GULP1: variants seen among roughly 807,000 people sequenced by gnomAD.
The protein encoded by GULP1 is PTB domain-containing engulfment adapter protein 1.
A neutral mutation model predicts 40.9 loss-of-function variants in GULP1; 19 were observed. The ratio of observed to expected loss-of-function variants is 0.46; its 90% CI spans 0.32 to 0.68. The LOEUF (loss-of-function observed/expected upper bound fraction) is 0.68. Among genes scored for constraint, GULP1 ranks in the 30% least tolerant of loss-of-function variants. The probability of loss-of-function intolerance (pLI) is 0.03; values close to 1 mark genes in which losing one functional copy is unlikely to be tolerated. For missense variants in GULP1, 312 were observed against 362.2 expected (o/e 0.86, Z 1.12); for synonymous variants, 119 against 117.6 (o/e 1.01, Z -0.08).
intron 10 of GULP1, among the ~76,000 whole-genome samples, chr2:188,586,694 A>G (rs1445619903): frequency 6.6e-6 from 1 of 152,070 alleles, no homozygotes; most frequent in East Asian, 1.9e-4. Context: ...CTCCTTATTT[A>G]TACAATACCT....
chr2:188,593,674 C>G lies in GULP1; in HGVS notation c.844-266C>G, dbSNP rs182239223. ...AACTAGCCTTTTCTGAAAAAGAAAC[C>G]TTTATCTTAATTTTATGTTTTCTCT... On this transcript the variant is annotated intron_variant, in intron 11 of 11. Coordinates refer to ENST00000409830, the MANE Select transcript of GULP1 (RefSeq NM_016315.4). 1.0e-3 allele frequency: 245 copies of G among 235,526 alleles called. 3 individuals carry two copies. Among genetic ancestry groups the G allele is most frequent in the East Asian group, 4.0e-4 (5 of 12,472 alleles). The allele number at this position is 235,526 out of a possible 1,614,324, so 14.6% of individuals were successfully genotyped here. A position where few individuals can be genotyped will look rare whatever the true frequency, so the allele number is the denominator to read the frequency against.
At chr2:188,493,862 T>C (rs1272911549) in intron 4 of GULP1, among the ~76,000 whole-genome samples, 1 of 152,076 alleles carries the variant, frequency 6.6e-6, no homozygotes, top group African/African-American at 2.4e-5. Flanking sequence ...TTGGGTTGCG[T>C]CAGTTCTCAG....
At chr2:188,350,327 A>G (rs957376672) in intron 1 of GULP1, among the ~76,000 whole-genome samples, 3 of 152,094 alleles carry the variant, frequency 2.0e-5, no homozygotes, top group Admixed American at 6.6e-5. Flanking sequence ...TACAGTGTAT[A>G]AGCCTAGGGT....
intron 2 of GULP1, among the ~76,000 whole-genome samples, chr2:188,453,661 C>T (rs1218692999): frequency 3.9e-5 from 6 of 152,118 alleles, no homozygotes; most frequent in African/African-American, 1.4e-4. Flanking sequence ...GAGCAATGGC[C>T]AATATGTAGT....
rs1343608840 is a variant in GULP1 at position 188,506,140 on chromosome 2, A to G, written c.91-16616A>G. On this transcript the variant is annotated intron_variant, in intron 4 of 11. Transcript: ENST00000409830. Reference sequence around the variant, plus strand: ...TTTTAATCTATAACATTTGATAAGTAGTGCCCTATTTATACACTCCTTTTG... The same window carrying G: ...TTTTAATCTATAACATTTGATAAGTGGTGCCCTATTTATACACTCCTTTTG... 2.6e-5 allele frequency among the ~76,000 whole-genome samples: 4 copies of G among 151,972 alleles called. No homozygotes were observed. In the East Asian group the frequency reaches 7.7e-4, roughly 29 times the overall value.
chr2:188,375,584 T>C (rs2152465360), intron 1 of GULP1, among the ~76,000 whole-genome samples: 1 of 152,348 alleles, frequency 6.6e-6, no homozygotes, highest in African/African-American at 2.4e-5. Flanking sequence ...TGCTCTCTTT[T>C]CATTAATACT....
intron 2 of GULP1, among the ~76,000 whole-genome samples, chr2:188,416,753 GAT>G (rs1159638184): frequency 6.6e-6 from 1 of 152,126 alleles, no homozygotes; most frequent in Admixed American, 6.5e-5. Context: ...TAAGCAACAG[GAT>G]AGTGAGCTCT....
intron 2 of GULP1, among the ~76,000 whole-genome samples, chr2:188,472,322 T>A (rs1267288895): frequency 6.6e-6 from 1 of 152,156 alleles, no homozygotes; most frequent in Non-Finnish European, 1.5e-5. Flanking sequence ...TTACTCTAGG[T>A]TTGTGAAGTT....
chr2:188,438,836 TATTG>T (rs2057671652), intron 2 of GULP1, among the ~76,000 whole-genome samples: 1 of 152,024 alleles, frequency 6.6e-6, no homozygotes, highest in African/African-American at 2.4e-5. Context: ...TGCTTAATAT[TATTG>T]ATTTGTATGT....
intron 4 of GULP1, among the ~76,000 whole-genome samples, chr2:188,485,082 G>A (rs528246227): frequency 1.1e-3 from 172 of 152,148 alleles, no homozygotes; most frequent in Non-Finnish European, 2.1e-3. Context: ...ATTTTAAAAT[G>A]CATGCTCAAT....
At chr2:188,508,562 C>T (rs2064164323) in intron 4 of GULP1, among the ~76,000 whole-genome samples, 3 of 151,948 alleles carry the variant, frequency 2.0e-5, no homozygotes, top group Non-Finnish European at 4.4e-5. Flanking sequence ...ACTCCTTTCC[C>T]GTACTCCACA....
intron 1 of GULP1, among the ~76,000 whole-genome samples, chr2:188,315,838 A>T (rs2038989625): frequency 6.6e-6 from 1 of 152,130 alleles, no homozygotes; most frequent in Non-Finnish European, 1.5e-5. Context: ...AAGTTATATG[A>T]ATGCTCCCTC....
At chr2:188,543,989 A>C (rs1691231136) in intron 7 of GULP1, among the ~76,000 whole-genome samples, 1 of 152,116 alleles carries the variant, frequency 6.6e-6, no homozygotes, top group African/African-American at 2.4e-5. Context: ...CCATGGTGAC[A>C]GTGAGGACCA....
intron 1 of GULP1, among the ~76,000 whole-genome samples, chr2:188,362,039 T>G (rs1346961096): frequency 6.6e-6 from 1 of 152,084 alleles, no homozygotes; most frequent in Non-Finnish European, 1.5e-5. Context: ...ATGAACCTGA[T>G]TTAATGTGCT....
intron 1 of GULP1, among the ~76,000 whole-genome samples, chr2:188,340,401 C>G (rs1469416613): frequency 6.6e-6 from 1 of 152,162 alleles, no homozygotes; most frequent in Non-Finnish European, 1.5e-5. Context: ...CAGCCCATAG[C>G]TCTCTACCCC....
chr2:188,383,348 T>C (rs561388630), intron 1 of GULP1, among the ~76,000 whole-genome samples: 82 of 152,158 alleles, frequency 5.4e-4, no homozygotes, highest in Non-Finnish European at 1.1e-3. Context: ...TGAAAGTAAA[T>C]CAGTGCCTTC....
At chr2:188,362,261 A>C (rs2046197645) in intron 1 of GULP1, among the ~76,000 whole-genome samples, 1 of 152,132 alleles carries the variant, frequency 6.6e-6, no homozygotes, top group Non-Finnish European at 1.5e-5. Context: ...CTTCAAAATA[A>C]ACATTAATGT....
intron 1 of GULP1, among the ~76,000 whole-genome samples, chr2:188,356,840 G>A (rs902468211): frequency 1.1e-4 from 17 of 152,074 alleles, no homozygotes; most frequent in Non-Finnish European, 2.5e-4. Context: ...CAAACAGCAT[G>A]GTACTGGCAT....
At chr2:188,418,103 C>T (rs531859189) in intron 2 of GULP1, among the ~76,000 whole-genome samples, 1 of 152,074 alleles carries the variant, frequency 6.6e-6, no homozygotes, top group South Asian at 2.1e-4. Context: ...TGTGAGCCAC[C>T]ACATACAGTC....
Sources: gnomAD v4.1 joint callset for allele counts (sites outside exome capture counted in the v4.1 genomes callset) on GRCh38, gnomAD v4.1.1 for gene constraint, MANE v1.5 for transcripts, NCBI Gene and HGNC (gene_info 2026-07-23, HGNC 2026-07-21) for gene names.